Variants in TRAP1 observed in about 807,000 individuals in gnomAD.
TRAP1 encodes the protein heat shock protein 75 kDa, mitochondrial.
A neutral mutation model predicts 89.1 loss-of-function variants in TRAP1; 102 were observed. That is an observed-to-expected ratio of 1.15 (90% CI 0.98 to 1.35). The LOEUF (loss-of-function observed/expected upper bound fraction) is 1.35. Among genes scored for constraint, TRAP1 ranks in the 40% most tolerant of loss-of-function variants. TRAP1 has a pLI of 0.00. For synonymous variants in TRAP1, 508 were observed against 388.0 expected (o/e 1.31, Z -3.64); for missense variants, 1,256 against 945.3 (o/e 1.33, Z -4.31).
Position 3,663,408 on chromosome 16 carries a change from A to G in TRAP1, c.1708+16T>C. The stretch of plus-strand genomic sequence containing the variant: ...GTGGAAACCAGCCCCACGCCTAGAG[A>G]GCAGGGGATGCCGACCTGGGGACCT... On this transcript the variant is annotated intron_variant, in intron 14 of 17. Transcript: ENST00000246957. 6.2e-7 allele frequency: 1 copy of G among 1,613,962 alleles called. No homozygotes were observed. Among genetic ancestry groups the G allele is most frequent in the Non-Finnish European group, 8.5e-7 (1 of 1,179,926 alleles).
chr16:3,680,502 A>T (rs1353588151), intron 4 of TRAP1, among the ~76,000 whole-genome samples: 4 of 152,242 alleles, frequency 2.6e-5, no homozygotes, highest in Non-Finnish European at 4.4e-5. Flanking sequence ...TGAGGACACC[A>T]GGAAGCAGGT....
intron 5 of TRAP1, 62 bp from the exon 6 acceptor site, chr16:3,677,720 C>T (rs1038456268): frequency 7.7e-6 from 12 of 1,563,400 alleles, no homozygotes; most frequent in Non-Finnish European, 1.0e-5. Context: ...ACTCCCAACA[C>T]CGTGGCTCTT....
At chr16:3,663,400 G>A (rs372308841) in intron 14 of TRAP1, 24 bp downstream of exon 14, 29 of 1,613,622 alleles carry the variant, frequency 1.8e-5, no homozygotes, top group South Asian at 1.8e-4. Context: ...CCAGCCCCAC[G>A]CCTAGAGAGC....
In TRAP1 at chr16:3,662,085, C is replaced by G. The variant is rs1456250250; in HGVS notation, c.1842G>C (p.Glu614Asp). Residue 614 changes from glutamate (E) to aspartate (D), a missense_variant, in exon 16 of 18, where the codon GAG (glutamate) becomes GAC (aspartate). Transcript: ENST00000246957. ...GCAGGAAGTGGCGGGCAGCCCCCAT[C>G]TCCAGCACGGTGACCATGGCAGGGT... ...DTHPAMVTVL[E>D]MGAARHFLRM... 1.2e-6 allele frequency: 2 copies of G among 1,613,202 alleles called. No homozygotes were observed. The highest frequency in any genetic ancestry group is 2.7e-5 in the African/African-American group (2 of 74,932).
rs537284335 is a variant in TRAP1, at chr16:3,699,615, G to A, written c.89-8630C>T. ...CACTCCAGCAGCCTGGGTGACAAGAGTGAAACTCCGTCTCAAAAAAAAAAA... is the reference window on the plus strand; with the variant it reads ...CACTCCAGCAGCCTGGGTGACAAGAATGAAACTCCGTCTCAAAAAAAAAAA... On this transcript the variant is annotated intron_variant, in intron 1 of 17. Coordinates refer to ENST00000246957, the MANE Select transcript of TRAP1 (RefSeq NM_016292.3). Among the ~76,000 whole-genome samples the A allele has an allele frequency of 3.1e-5, 4 of 127,106 alleles. No homozygotes were observed. In the South Asian group the frequency reaches 1.0e-3, roughly 33 times the overall value. The allele number at this position is 127,106 out of a possible 152,430, so 83.4% of individuals were successfully genotyped here. A position where few individuals can be genotyped will look rare whatever the true frequency, so the allele number is the denominator to read the frequency against.
chr16:3,661,988 T>C lies in TRAP1; in HGVS notation c.1939A>G (p.Arg647Gly), dbSNP rs1367982301. Reference sequence around the variant, plus strand: ...GAAGAGCCAGGAGCGTGGCCTCACCTGGGGTTGATCTCCAGCGTGGGCTGC... The same window carrying C: ...GAAGAGCCAGGAGCGTGGCCTCACCCGGGGTTGATCTCCAGCGTGGGCTGC... ...LLQPTLEINP[R>G]HALIKKLNQL... The change falls in exon 16 of 18, where the codon AGG becomes GGG. Residue 647 changes from arginine (R) to glycine (G), a missense_variant and splice_region_variant. Arg to Gly is a moderately radical substitution (Grantham distance 125). Transcript: ENST00000246957. The C allele has an allele frequency of 6.2e-7, 1 of 1,604,288 alleles. No homozygotes were observed. Among genetic ancestry groups the C allele is most frequent in the South Asian group, 1.1e-5 (1 of 90,496 alleles).
At chr16:3,707,154 G>A (rs895903967) in intron 1 of TRAP1, among the ~76,000 whole-genome samples, 48 of 144,390 alleles carry the variant, frequency 3.3e-4, no homozygotes, top group African/African-American at 1.2e-3. Flanking sequence ...GGCATCTTGA[G>A]TTTTTAAAAA....
intron 9 of TRAP1, 146 bp from the exon 10 acceptor site, chr16:3,672,966 AG>A (rs1310596640): frequency 7.8e-7 from 1 of 1,289,314 alleles, no homozygotes; most frequent in East Asian, 2.6e-5. Flanking sequence ...AGCCCAGTGC[AG>A]GGGCCCCACG....
chr16:3,697,487 AC>A (rs2151274970), intron 1 of TRAP1, among the ~76,000 whole-genome samples: 1 of 151,722 alleles, frequency 6.6e-6, no homozygotes, highest in Non-Finnish European at 1.5e-5. Context: ...ACACGGTGAA[AC>A]CCCGTCTCTA....
chr16:3,696,913 G>C (rs1203516770), intron 1 of TRAP1, among the ~76,000 whole-genome samples: 1 of 152,024 alleles, frequency 6.6e-6, no homozygotes, highest in Non-Finnish European at 1.5e-5. Context: ...TTTCTGTAGA[G>C]ACAGGGATTC....
Position 3,658,051 on chromosome 16 carries a change from A to T in TRAP1, c.*78T>A. ...CCAACACACACTCGGGTTAAGAAAT[A>T]CCTTTAAATTTAGGTAAATAAAGCT... On this transcript the variant is annotated 3_prime_UTR_variant, in exon 18 of 18. Transcript: ENST00000246957. 6.2e-7 allele frequency: 1 copy of T among 1,607,270 alleles called. No individual in the cohort carries two copies. The highest frequency in any genetic ancestry group is 1.1e-5 in the South Asian group (1 of 90,508).
In TRAP1 at chr16:3,675,405, G is replaced by A; in HGVS notation, c.815-8C>T. 4.3e-6 allele frequency: 7 copies of A among 1,613,902 alleles called. No homozygotes were observed. The highest frequency in any genetic ancestry group is 2.2e-5 in the South Asian group (2 of 91,064). On this transcript the variant is annotated splice_region_variant and splice_polypyrimidine_tract_variant and intron_variant, in intron 7 of 17. Transcript: ENST00000246957. ...TGTACTTCGTTACCACATCTGGAAGGGACAAAAGAAAAACCACACTGCATC... is the reference window on the plus strand; with the variant it reads ...TGTACTTCGTTACCACATCTGGAAGAGACAAAAGAAAAACCACACTGCATC...
intron 1 of TRAP1, among the ~76,000 whole-genome samples, chr16:3,695,685 G>A (rs1307697151): frequency 1.3e-5 from 2 of 152,132 alleles, no homozygotes; most frequent in Non-Finnish European, 2.9e-5. Flanking sequence ...ACTAACCTAA[G>A]AGACTTCAGA....
chr16:3,662,869 G>A lies in TRAP1; in HGVS notation c.1794+13C>T, dbSNP rs370938126. On this transcript the variant is annotated intron_variant, in intron 15 of 17. Transcript: ENST00000246957. ...TGCGGCCAAGTGGTGGTCCATCCCCGGGAAAGCCTCACCTTCACGTTGGTG... is the reference window on the plus strand; with the variant it reads ...TGCGGCCAAGTGGTGGTCCATCCCCAGGAAAGCCTCACCTTCACGTTGGTG... 27 of 1,613,020 alleles carry A rather than the reference G, an allele frequency of 1.7e-5. No homozygotes were observed. Among genetic ancestry groups the A allele is most frequent in the Middle Eastern group, 3.3e-4 (2 of 6,084 alleles).
rs773432445 is a variant in TRAP1, at chr16:3,663,515, A to C, written c.1617T>G (p.Leu539=). 6.2e-7 allele frequency: 1 copy of C among 1,614,036 alleles called. No homozygotes were observed. Among genetic ancestry groups the C allele is most frequent in the Non-Finnish European group, 8.5e-7 (1 of 1,180,004 alleles). The change falls in exon 14 of 18, where the codon CTT becomes CTG. Residue 539 remains leucine, a synonymous_variant. Transcript: ENST00000246957. ...TCAGCTTCTTCTTGTCAAACTCACG[A>C]AGGTGCAGCAGGGTGAGCTCATCAA... ...EQFDELTLLH[L]REFDKKKLIS...
chr16:3,686,155 G>A lies in TRAP1; in HGVS notation c.331-19C>T. On this transcript the variant is annotated intron_variant, in intron 3 of 17. Coordinates refer to ENST00000246957, the MANE Select transcript of TRAP1 (RefSeq NM_016292.3). ...TAAACACCTACAGGAATAGAAATGG[G>A]AGGCACAGACAATGAAGGACACTCA... 3 of 1,612,784 alleles carry A rather than the reference G, an allele frequency of 1.9e-6. No homozygotes were observed. The highest frequency in any genetic ancestry group is 2.5e-6 in the Non-Finnish European group (3 of 1,179,016).
At chr16:3,663,191 A>T in intron 14 of TRAP1, 1 of 672,748 alleles carries the variant, frequency 1.5e-6, no homozygotes, top group Non-Finnish European at 2.5e-6. Flanking sequence ...CAGCCTCTCA[A>T]GAAGCTGGGC....
At chr16:3,709,156 C>T (rs369732935) in intron 1 of TRAP1, among the ~76,000 whole-genome samples, 2 of 143,368 alleles carry the variant, frequency 1.4e-5, no homozygotes, top group African/African-American at 2.6e-5. Context: ...AAAGGGCTAG[C>T]GCAGAGGTTA....
chr16:3,709,227 C>CAAAAAAAAAAAAAAAAAAAA, intron 1 of TRAP1, among the ~76,000 whole-genome samples: 1 of 82,398 alleles, frequency 1.2e-5, no homozygotes, highest in Non-Finnish European at 2.8e-5. Context: ...AACTCCATCT[C>CAAAAAAAAAAAAAAAAAAAA]AAAAAAAAAA....
Sources: allele counts gnomAD v4.1 joint callset (sites outside exome capture counted in the v4.1 genomes callset), GRCh38; gene constraint gnomAD v4.1.1; transcripts MANE v1.5; gene names NCBI Gene and HGNC (gene_info 2026-07-23, HGNC 2026-07-21).